The following MC2R variants were observed in gnomAD, a reference collection of about 807,000 sequenced individuals.
MC2R encodes adrenocorticotropic hormone receptor.
MC2R carries 9 observed loss-of-function variants against 9.8 expected under a neutral mutation model. That is an observed-to-expected ratio of 0.92 (90% CI 0.55 to 1.60). The LOEUF is 1.60. Among genes scored for constraint, MC2R ranks in the 40% most tolerant of loss-of-function variants. The probability of loss-of-function intolerance (pLI) is 0.00; values close to 1 mark genes in which losing one functional copy is unlikely to be tolerated. For synonymous variants in MC2R, 185 were observed against 154.7 expected, an observed-to-expected ratio of 1.20 and a Z score of -1.45; for missense variants, 370 against 389.0, an observed-to-expected ratio of 0.95 and a Z score of 0.41.
intron 1 of MC2R, among the ~76,000 whole-genome samples, chr18:13,891,192 C>A (rs540876180): frequency 6.6e-6 from 1 of 152,210 alleles, no homozygotes; most frequent in Non-Finnish European, 1.5e-5. Context: ...TATTGTATAT[C>A]ATGTCTGTAC....
chr18:13,912,751 A>T (rs2045452005), intron 1 of MC2R, among the ~76,000 whole-genome samples: 1 of 152,100 alleles, frequency 6.6e-6, no homozygotes, highest in Non-Finnish European at 1.5e-5. Context: ...GAACTTACTG[A>T]TGTTGATCTT....
intron 1 of MC2R, among the ~76,000 whole-genome samples, chr18:13,908,778 C>A (rs1283139795): frequency 6.7e-6 from 1 of 148,304 alleles, no homozygotes; most frequent in African/African-American, 2.5e-5. Flanking sequence ...TCCATGACAT[C>A]AAATTTTAAT....
intron 1 of MC2R, among the ~76,000 whole-genome samples, chr18:13,889,803 A>C (rs781614437): frequency 1.3e-5 from 2 of 152,160 alleles, no homozygotes; most frequent in African/African-American, 4.8e-5. Context: ...TGTGCTGTGC[A>C]TGGTGGGTCT....
chr18:13,888,156 G>C (rs972807482), intron 1 of MC2R, among the ~76,000 whole-genome samples: 15 of 151,566 alleles, frequency 9.9e-5, no homozygotes, highest in African/African-American at 3.6e-4. Flanking sequence ...TATTTTTTTA[G>C]AAACAGGTGG....
chr18:13,896,508 A>G (rs1166802923), intron 1 of MC2R, among the ~76,000 whole-genome samples: 1 of 152,240 alleles, frequency 6.6e-6, no homozygotes. Flanking sequence ...GTTCAGAGAA[A>G]GGAAAATTGA....
intron 1 of MC2R, among the ~76,000 whole-genome samples, chr18:13,913,786 C>T (rs1202336149): frequency 2.0e-5 from 3 of 152,178 alleles, no homozygotes; most frequent in Admixed American, 1.3e-4. Flanking sequence ...GGATTGCTGC[C>T]CGTCTATGCA....
intron 1 of MC2R, among the ~76,000 whole-genome samples, chr18:13,891,103 C>T (rs898921140): frequency 6.6e-6 from 1 of 152,222 alleles, no homozygotes; most frequent in Non-Finnish European, 1.5e-5. Context: ...GCTGTCAACT[C>T]TTTTCTAATG....
intron 1 of MC2R, among the ~76,000 whole-genome samples, chr18:13,914,258 G>C (rs1412714372): frequency 6.6e-6 from 1 of 152,166 alleles, no homozygotes; most frequent in Non-Finnish European, 1.5e-5. Context: ...CAAAGGCAGG[G>C]TGAGGGCTCC....
At chr18:13,891,841 G>A (rs540265567) in intron 1 of MC2R, among the ~76,000 whole-genome samples, 256 of 152,226 alleles carry the variant, frequency 1.7e-3, no homozygotes, top group African/African-American at 5.9e-3. Flanking sequence ...GGAGGGAGTG[G>A]CATTTTCTCT....
rs1243653796 is a variant in MC2R, at chr18:13,883,607, ACACACACACACACACACACACT to A, written c.*996_*1017del. On this transcript the variant is annotated 3_prime_UTR_variant, in exon 2 of 2. Transcript: ENST00000327606. ...CACACACACACACACACACACACAC[ACACACACACACACACACACACT>A]CTCTCTCTCTCTCTCTCTCTCTCTC... 22 of 102,974 alleles carry A rather than the reference ACACACACACACACACACACACT, an allele frequency of 2.1e-4. No individual in the cohort carries two copies. The highest frequency in any genetic ancestry group is 1.2e-3 in the Admixed American group (10 of 8,616). The allele number at this position is 102,974 out of a possible 1,614,324, so 6.4% of individuals were successfully genotyped here.
At chr18:13,890,645 T>C (rs998364891) in intron 1 of MC2R, among the ~76,000 whole-genome samples, 1 of 152,108 alleles carries the variant, frequency 6.6e-6, no homozygotes, top group African/African-American at 2.4e-5. Flanking sequence ...TAGATGCATT[T>C]AAGATTTTTA....
At chr18:13,908,714 GTGTGTGTGT>G (rs1342018097) in intron 1 of MC2R, among the ~76,000 whole-genome samples, 3 of 140,948 alleles carry the variant, frequency 2.1e-5, no homozygotes, top group African/African-American at 9.5e-5. Flanking sequence ...TCTTGTGTGT[GTGTGTGTGT>G]GTGTGTGTGT....
chr18:13,894,069 A>G (rs2045332203), intron 1 of MC2R, among the ~76,000 whole-genome samples: 1 of 152,110 alleles, frequency 6.6e-6, no homozygotes, highest in Non-Finnish European at 1.5e-5. Context: ...CCTTAAAAAG[A>G]TTCTGATATT....
rs183098243 is a variant in MC2R at position 13,900,831 on chromosome 18, A to T, written c.-129+14657T>A. ...TTCAACACACCACTTTCAGCACTGG[A>T]CAGATCTTCAAGGCAGAAAATCAAC... On this transcript the variant is annotated intron_variant, in intron 1 of 1. Transcript: ENST00000327606. Among the ~76,000 whole-genome samples, 35 of 152,274 alleles carry T rather than the reference A, an allele frequency of 2.3e-4. 1 individual carries two copies. The East Asian group carries it at 6.0e-3, about 26-fold the overall frequency.
intron 1 of MC2R, among the ~76,000 whole-genome samples, chr18:13,911,578 A>C (rs1047264935): frequency 6.6e-6 from 1 of 152,100 alleles, no homozygotes; most frequent in African/African-American, 2.4e-5. Flanking sequence ...CCCACCTTTA[A>C]AAAGTGGCCG....
At position 13,885,481 on chromosome 18, in the gene MC2R, T is replaced by C; in HGVS notation, c.38A>G (p.Asn13Ser). Residue 13 changes from asparagine (N) to serine (S), a missense_variant, in exon 2 of 2, where the codon AAC becomes AGC. Physicochemically the swap from Asn to Ser is conservative, Grantham distance 46. Coordinates refer to ENST00000327606, the MANE Select transcript of MC2R (RefSeq NM_000529.2). ...HIINSYENIN[N>S]TARNNSDCPR... ...ACAGTCGGAATTATTTCTTGCTGTG[T>C]TGTTGATGTTTTCATACGAGTTGAT... The C allele has an allele frequency of 6.2e-7, 1 of 1,614,206 alleles. No homozygotes were observed. The highest frequency in any genetic ancestry group is 8.5e-7 in the Non-Finnish European group (1 of 1,180,050).
rs1163402166 is a variant in MC2R at position 13,885,343 on chromosome 18, A to G, written c.176T>C (p.Met59Thr). 1.9e-6 allele frequency: 3 copies of G among 1,614,214 alleles called. No individual in the cohort carries two copies. Among genetic ancestry groups the G allele is most frequent in the Non-Finnish European group, 1.7e-6 (2 of 1,180,044 alleles). ...GGCCAAGCTACAGATGAAAAAGTAC[A>G]TGGGTGCCTGGAGATTCTTATTCTT... The part of the protein sequence containing the change: ...VFKNKNLQAP[M>T]YFFICSLAIS... Residue 59 changes from methionine (M) to threonine (T), a missense_variant, in exon 2 of 2, where the codon ATG becomes ACG. Transcript: ENST00000327606.
At chr18:13,914,837 A>G (rs147823364) in intron 1 of MC2R, among the ~76,000 whole-genome samples, 101 of 152,356 alleles carry the variant, frequency 6.6e-4, no homozygotes, top group Non-Finnish European at 1.0e-3. Flanking sequence ...CAGTGACTGC[A>G]TGCTTTCTGG....
chr18:13,913,294 GGC>G (rs2045457141), intron 1 of MC2R, among the ~76,000 whole-genome samples: 1 of 152,138 alleles, frequency 6.6e-6, no homozygotes, highest in Non-Finnish European at 1.5e-5. Context: ...CACTGCTCAT[GGC>G]AGGCTTCCTC....
Sources: gnomAD v4.1 joint callset for allele counts (sites outside exome capture counted in the v4.1 genomes callset) on GRCh38, gnomAD v4.1.1 for gene constraint, MANE v1.5 for transcripts, NCBI Gene and HGNC (gene_info 2026-07-23, HGNC 2026-07-21) for gene names.